Variants in ST8SIA1 observed in about 807,000 individuals in gnomAD.
ST8SIA1 encodes alpha-N-acetylneuraminide alpha-2,8-sialyltransferase.
ST8SIA1 carries 16 observed loss-of-function variants against 35.9 expected under a neutral mutation model. The observed-to-expected ratio is 0.45, with a 90% CI of 0.30 to 0.68. ST8SIA1 has a LOEUF of 0.68. Among genes scored for constraint, ST8SIA1 ranks in the 30% least tolerant of loss-of-function variants. The pLI is 0.09. For synonymous variants in ST8SIA1, 170 were observed against 169.6 expected (o/e 1.00, Z -0.02); for missense variants, 383 against 453.6 (o/e 0.84, Z 1.41).
intron 1 of ST8SIA1, among the ~76,000 whole-genome samples, chr12:22,316,928 G>C (rs924144506): frequency 3.3e-5 from 5 of 151,950 alleles, no homozygotes; most frequent in Admixed American, 6.6e-5. Context: ...AAAAAAAACA[G>C]GCTTTCTCAT....
chr12:22,263,199 A>G (rs1348725915), intron 2 of ST8SIA1, among the ~76,000 whole-genome samples: 1 of 152,226 alleles, frequency 6.6e-6, no homozygotes, highest in Non-Finnish European at 1.5e-5. Context: ...CAACGAACAG[A>G]TATTCGAAAT....
intron 2 of ST8SIA1, among the ~76,000 whole-genome samples, chr12:22,256,397 T>G (rs1865728873): frequency 6.6e-6 from 1 of 152,172 alleles, no homozygotes; most frequent in South Asian, 2.1e-4. Flanking sequence ...TCTAGCTGGG[T>G]CAGCAAGAAC....
chr12:22,332,144 T>C (rs1358849846), intron 1 of ST8SIA1, among the ~76,000 whole-genome samples: 4 of 152,204 alleles, frequency 2.6e-5, no homozygotes, highest in Non-Finnish European at 4.4e-5. Context: ...GCCTTTTACA[T>C]GGTTTTACAG....
At chr12:22,259,384 G>A (rs1865761342) in intron 2 of ST8SIA1, among the ~76,000 whole-genome samples, 1 of 151,968 alleles carries the variant, frequency 6.6e-6, no homozygotes, top group African/African-American at 2.4e-5. Flanking sequence ...CACTCTCTGG[G>A]CACTTATAAT....
At chr12:22,291,438 A>T (rs1450775467) in intron 1 of ST8SIA1, among the ~76,000 whole-genome samples, 1 of 152,214 alleles carries the variant, frequency 6.6e-6, no homozygotes, top group Non-Finnish European at 1.5e-5. Flanking sequence ...ATCTGGCCAA[A>T]ATCTACTGTT....
intron 1 of ST8SIA1, among the ~76,000 whole-genome samples, chr12:22,313,485 C>A (rs1866478929): frequency 6.6e-6 from 1 of 152,058 alleles, no homozygotes; most frequent in Non-Finnish European, 1.5e-5. Flanking sequence ...GGGATAATGG[C>A]CAAATACACT....
At chr12:22,240,443 T>C (rs2120724676) in intron 4 of ST8SIA1, among the ~76,000 whole-genome samples, 1 of 152,264 alleles carries the variant, frequency 6.6e-6, no homozygotes, top group East Asian at 1.9e-4. Flanking sequence ...TCTAATTCCC[T>C]TATTTCAGAA....
At chr12:22,312,856 GT>G (rs1275968595) in intron 1 of ST8SIA1, among the ~76,000 whole-genome samples, 1 of 151,976 alleles carries the variant, frequency 6.6e-6, no homozygotes, top group Non-Finnish European at 1.5e-5. Flanking sequence ...TCTTCTAAAA[GT>G]TTTAATCAGA....
At chr12:22,312,823 C>A (rs1398628248) in intron 1 of ST8SIA1, among the ~76,000 whole-genome samples, 1 of 151,816 alleles carries the variant, frequency 6.6e-6, no homozygotes, top group East Asian at 1.9e-4. Flanking sequence ...ACTGAGTATA[C>A]CATATTCTTT....
intron 2 of ST8SIA1, among the ~76,000 whole-genome samples, chr12:22,281,426 G>C (rs1374236052): frequency 6.6e-6 from 1 of 152,114 alleles, no homozygotes; most frequent in Non-Finnish European, 1.5e-5. Flanking sequence ...TTAGCATTAG[G>C]CCAAGAATGG....
chr12:22,249,124 G>T, intron 3 of ST8SIA1, 26 bp from the exon 4 acceptor site: 1 of 1,451,998 alleles, frequency 6.9e-7, no homozygotes, highest in Non-Finnish European at 9.7e-7. Context: ...CAAACATTTT[G>T]GAACAATTTG....
intron 4 of ST8SIA1, among the ~76,000 whole-genome samples, chr12:22,248,277 G>T (rs1208913091): frequency 6.6e-6 from 1 of 151,958 alleles, no homozygotes; most frequent in Non-Finnish European, 1.5e-5. Flanking sequence ...AGGGACACAG[G>T]AGGACCTAAA....
chr12:22,281,981 G>T (rs1211632962), intron 2 of ST8SIA1, among the ~76,000 whole-genome samples: 2 of 151,814 alleles, frequency 1.3e-5, no homozygotes, highest in African/African-American at 4.8e-5. Context: ...TGCATTTTTA[G>T]TTTATCAAAC....
chr12:22,286,416 G>A (rs1010462572), intron 2 of ST8SIA1: 1 of 517,522 alleles, frequency 1.9e-6, no homozygotes, highest in Non-Finnish European at 3.9e-6. Flanking sequence ...ACAATCATCT[G>A]AGCAAACCAA....
intron 2 of ST8SIA1, among the ~76,000 whole-genome samples, chr12:22,275,380 C>T (rs2135808999): frequency 6.6e-6 from 1 of 152,218 alleles, no homozygotes; most frequent in South Asian, 2.1e-4. Context: ...CATGGTGAAA[C>T]CCCATCTCTA....
intron 4 of ST8SIA1, among the ~76,000 whole-genome samples, chr12:22,210,711 A>T (rs545021502): frequency 1.9e-4 from 29 of 152,344 alleles, no homozygotes; most frequent in African/African-American, 7.0e-4. Flanking sequence ...AAACGTTCAC[A>T]TTTACTGGTT....
At chr12:22,249,793 C>T (rs531671009) in intron 3 of ST8SIA1, among the ~76,000 whole-genome samples, 2 of 152,282 alleles carry the variant, frequency 1.3e-5, no homozygotes, top group South Asian at 2.1e-4. Context: ...CAGTGTGATA[C>T]ACTAGAGGAC....
intron 4 of ST8SIA1, among the ~76,000 whole-genome samples, chr12:22,233,080 G>T (rs575929323): frequency 1.1e-3 from 160 of 152,244 alleles, no homozygotes; most frequent in Non-Finnish European, 1.9e-3. Flanking sequence ...GGTCCACTGC[G>T]TGCCAGCACA....
At chr12:22,319,952 C>G (rs1866565303) in intron 1 of ST8SIA1, among the ~76,000 whole-genome samples, 1 of 152,086 alleles carries the variant, frequency 6.6e-6, no homozygotes, top group Non-Finnish European at 1.5e-5. Context: ...TCACGGTAAG[C>G]CCCATAAAAA....
Sources: allele counts gnomAD v4.1 joint callset (sites outside exome capture counted in the v4.1 genomes callset), GRCh38; gene constraint gnomAD v4.1.1; transcripts MANE v1.5; gene names NCBI Gene and HGNC (gene_info 2026-07-23, HGNC 2026-07-21).